Variants in SUSD1 observed in about 807,000 individuals in gnomAD.
SUSD1 encodes sushi domain containing 1.
A neutral mutation model predicts 86.9 loss-of-function variants in SUSD1; 65 were observed. That is an observed-to-expected ratio of 0.75 (90% CI 0.61 to 0.92). SUSD1 has a LOEUF of 0.92. Among genes scored for constraint, SUSD1 ranks in the 40% least tolerant of loss-of-function variants. The pLI is 0.00. For missense variants in SUSD1, 850 were observed against 929.7 expected (o/e 0.91, Z 1.11); for synonymous variants, 346 against 350.0 (o/e 0.99, Z 0.13).
intron 1 of SUSD1, among the ~76,000 whole-genome samples, chr9:112,173,193 G>T (rs896527698): frequency 1.6e-4 from 25 of 151,910 alleles, no homozygotes; most frequent in African/African-American, 6.0e-4. Flanking sequence ...CTTAACCAGG[G>T]CACCTAATAT....
intron 12 of SUSD1, among the ~76,000 whole-genome samples, chr9:112,071,024 G>A (rs892907612): frequency 1.5e-4 from 23 of 152,090 alleles, no homozygotes; most frequent in African/African-American, 5.3e-4. Flanking sequence ...TCACTGTGTC[G>A]CCCAGGCTGG....
At chr9:112,138,586 T>C (rs1000833720) in intron 5 of SUSD1, among the ~76,000 whole-genome samples, 1 of 151,288 alleles carries the variant, frequency 6.6e-6, no homozygotes, top group African/African-American at 2.4e-5. Context: ...GTAGCTGGGA[T>C]TACAGGTGCA....
At chr9:112,063,459 C>T (rs1280888647) in intron 12 of SUSD1, among the ~76,000 whole-genome samples, 2 of 152,058 alleles carry the variant, frequency 1.3e-5, no homozygotes, top group African/African-American at 4.8e-5. Context: ...TGTATTTTGC[C>T]ACAATAAAAA....
At chr9:112,142,278 A>C in intron 5 of SUSD1, 42 bp downstream of exon 5, 1 of 1,466,202 alleles carries the variant, frequency 6.8e-7, no homozygotes, top group Non-Finnish European at 9.1e-7. Context: ...AAACAGTTTC[A>C]AGGTGGTATG....
chr9:112,095,460 C>T (rs931943495), intron 10 of SUSD1, among the ~76,000 whole-genome samples: 4 of 152,226 alleles, frequency 2.6e-5, no homozygotes, highest in East Asian at 1.9e-4. Flanking sequence ...AAAGAAGCAC[C>T]GACCATTTAA....
At chr9:112,069,923 C>T (rs894969064) in intron 12 of SUSD1, among the ~76,000 whole-genome samples, 1 of 152,190 alleles carries the variant, frequency 6.6e-6, no homozygotes, top group African/African-American at 2.4e-5. Flanking sequence ...GTTCAATCAA[C>T]ATGTGACTTT....
At chr9:112,067,476 T>C (rs919267316) in intron 12 of SUSD1, among the ~76,000 whole-genome samples, 6 of 152,356 alleles carry the variant, frequency 3.9e-5, no homozygotes, top group African/African-American at 1.4e-4. Flanking sequence ...ATAGAATGCA[T>C]CCAGCGCCTT....
intron 12 of SUSD1, among the ~76,000 whole-genome samples, chr9:112,069,343 G>A (rs1829147559): frequency 6.6e-6 from 1 of 152,162 alleles, no homozygotes; most frequent in East Asian, 1.9e-4. Context: ...TCTGCTTAGA[G>A]TCTAGGCCTC....
At chr9:112,075,420 A>G (rs1328766183) in intron 12 of SUSD1, among the ~76,000 whole-genome samples, 2 of 152,106 alleles carry the variant, frequency 1.3e-5, no homozygotes, top group Admixed American at 6.5e-5. Flanking sequence ...TAAAAAAAAA[A>G]TAAGTTTTTA....
chr9:112,149,561 C>A (rs1436370430), intron 2 of SUSD1, among the ~76,000 whole-genome samples, 162 bp from the exon 3 acceptor site: 1 of 152,202 alleles, frequency 6.6e-6, no homozygotes, highest in Non-Finnish European at 1.5e-5. Flanking sequence ...GCTCCCCAGA[C>A]TACAGGACCT....
intron 5 of SUSD1, among the ~76,000 whole-genome samples, chr9:112,138,220 T>G (rs112182189): frequency 0.13 from 13,749 of 102,942 alleles, 1,329 homozygotes; most frequent in African/African-American, 0.16. Context: ...TGAGACTCCA[T>G]CTCAAAAAAA....
Position 112,175,081 on chromosome 9 carries a change from G to A in SUSD1, c.103+52C>T. 6.0e-6 allele frequency: 6 copies of A among 1,000,332 alleles called. No homozygotes were observed. Among genetic ancestry groups the A allele is most frequent in the Non-Finnish European group, 7.1e-6 (6 of 840,912 alleles). 62.0% of individuals were successfully genotyped at this position (1,000,332 alleles called of 1,614,324 possible). A position where few individuals can be genotyped will look rare whatever the true frequency, so the allele number is the denominator to read the frequency against. On this transcript the variant is annotated intron_variant, in intron 1 of 16. Coordinates refer to ENST00000374270, the MANE Select transcript of SUSD1 (RefSeq NM_022486.5). The surrounding 1 kb of genome is among the most constrained non-coding windows in gnomAD (Gnocchi z 4.7). ...CGTCCGTGCGCCCAGAGTCCTCGAG[G>A]CCCAGCCGGGGGCCCCGCCGGCCGC...
chr9:112,059,921 T>C (rs1828636942), intron 13 of SUSD1, among the ~76,000 whole-genome samples: 1 of 152,286 alleles, frequency 6.6e-6, no homozygotes, highest in South Asian at 2.1e-4. Context: ...CACAGTTCTT[T>C]GGAAATGATA....
At chr9:112,127,770 AATTATT>A (rs1230792792) in intron 5 of SUSD1, among the ~76,000 whole-genome samples, 5 of 152,224 alleles carry the variant, frequency 3.3e-5, no homozygotes, top group African/African-American at 1.2e-4. Context: ...TAATAATAAC[AATTATT>A]ATTAAGTGAT....
intron 13 of SUSD1, 95 bp from the exon 14 acceptor site, chr9:112,058,781 C>T: frequency 6.7e-7 from 1 of 1,488,588 alleles, no homozygotes; most frequent in Non-Finnish European, 9.0e-7. Flanking sequence ...AGACAAACCT[C>T]TTTCTTTGTT....
Position 112,041,938 on chromosome 9 carries a change from C to G in SUSD1, c.2172G>C (p.Gln724His). Residue 724 changes from glutamine to histidine, a missense_variant, in exon 16 of 17, where the codon CAG becomes CAC. Coordinates refer to ENST00000374270, the MANE Select transcript of SUSD1 (RefSeq NM_022486.5). ...QVKDSSLMLL[Q>H]MAGVGLGSLA... ...GGGAACCCAGTCCAACACCCGCCAT[C>G]TGCAGCAGCATGAGTGACGAATCTG... is the stretch of plus-strand genomic sequence containing the variant. The G allele has an allele frequency of 6.2e-7, 1 of 1,614,088 alleles. No individual in the cohort carries two copies.
chr9:112,165,921 GAAA>G (rs55737404), intron 1 of SUSD1, among the ~76,000 whole-genome samples: 12 of 65,486 alleles, frequency 1.8e-4, no homozygotes, highest in African/African-American at 8.0e-4. Context: ...AAGGAAGAAA[GAAA>G]AGAAAGAAAG....
In SUSD1 at chr9:112,143,511, A is replaced by T. The variant is rs377031766; in HGVS notation, c.486T>A (p.Pro162=). 34 of 1,614,002 alleles carry T rather than the reference A, an allele frequency of 2.1e-5. No homozygotes were observed. In the African/African-American group the frequency reaches 4.3e-4, roughly 20 times the overall value. Residue 162 remains proline, a synonymous_variant, in exon 4 of 17, where the codon CCT becomes CCA. Coordinates refer to ENST00000374270, the MANE Select transcript of SUSD1 (RefSeq NM_022486.5). Reference sequence around the variant, plus strand: ...CATCGGTGGTCGGGTGGAAAGGTTCAGGTCCATTCCTTGGCAAGTATCCAT... The same window carrying T: ...CATCGGTGGTCGGGTGGAAAGGTTCTGGTCCATTCCTTGGCAAGTATCCAT... ...CMDGYLPRNG[P]EPFHPTTDAT...
At chr9:112,141,914 C>T (rs1832594198) in intron 5 of SUSD1, among the ~76,000 whole-genome samples, 1 of 137,078 alleles carries the variant, frequency 7.3e-6, no homozygotes, top group Admixed American at 7.6e-5. Flanking sequence ...TTCATTCCCA[C>T]ATGACTTCTG....
Sources: gnomAD v4.1 joint callset for allele counts (sites outside exome capture counted in the v4.1 genomes callset) on GRCh38, gnomAD v4.1.1 for gene constraint, Gnocchi (gnomAD v3.1) non-coding constraint, MANE v1.5 for transcripts, NCBI Gene and HGNC (gene_info 2026-07-23, HGNC 2026-07-21) for gene names.